The following MACROD1 variants were observed in gnomAD, a reference collection of about 807,000 sequenced individuals.
The protein encoded by MACROD1 is ADP-ribose glycohydrolase MACROD1.
MACROD1 carries 31 observed loss-of-function variants against 41.4 expected under a neutral mutation model. The observed-to-expected ratio is 0.75, with a 90% CI of 0.56 to 1.01. MACROD1 has a LOEUF of 1.01. Among genes scored for constraint, MACROD1 ranks in the 50% least tolerant of loss-of-function variants. The probability of loss-of-function intolerance (pLI) is 0.00; values close to 1 mark genes in which losing one functional copy is unlikely to be tolerated. For missense variants in MACROD1, 473 were observed against 460.0 expected (o/e 1.03, Z -0.26); for synonymous variants, 252 against 203.4 (o/e 1.24, Z -2.03).
At chr11:64,031,914 T>C (rs1189447164) in intron 3 of MACROD1, among the ~76,000 whole-genome samples, 2 of 152,234 alleles carry the variant, frequency 1.3e-5, no homozygotes, top group Non-Finnish European at 2.9e-5. Flanking sequence ...GGCCCCGAGC[T>C]AGGAGTCCAC....
At chr11:64,072,273 C>T (rs1020465252) in intron 3 of MACROD1, among the ~76,000 whole-genome samples, 1 of 152,130 alleles carries the variant, frequency 6.6e-6, no homozygotes, top group Non-Finnish European at 1.5e-5. Flanking sequence ...AGGGGTGATG[C>T]CGGCCCTGGA....
chr11:64,124,188 C>T (rs1945141961), intron 3 of MACROD1, among the ~76,000 whole-genome samples: 2 of 152,330 alleles, frequency 1.3e-5, no homozygotes, highest in South Asian at 4.1e-4. Flanking sequence ...ATACATGCCA[C>T]CCCCTTTCCA....
In MACROD1 at chr11:64,054,079, G is replaced by T. The variant is rs1943741562; in HGVS notation, c.518-38798C>A. On this transcript the variant is annotated intron_variant, in intron 3 of 10. Coordinates refer to ENST00000255681, the MANE Select transcript of MACROD1 (RefSeq NM_014067.4). ...CAGCAAGCAGCTGTCACCTCCACCT[G>T]CGAATGGGGATGAGGATCCCAGCTC... Among the ~76,000 whole-genome samples, 3 of 152,152 alleles carry T rather than the reference G, an allele frequency of 2.0e-5. No homozygotes were observed. The South Asian group carries it at 6.2e-4, about 31-fold the overall frequency.
At chr11:64,001,970 C>T (rs1942833239) in intron 4 of MACROD1, among the ~76,000 whole-genome samples, 1 of 152,196 alleles carries the variant, frequency 6.6e-6, no homozygotes, top group African/African-American at 2.4e-5. Context: ...TAGCACCCAC[C>T]TCAGAGCTCA....
Position 64,080,116 on chromosome 11 carries a change from G to A in MACROD1, c.518-64835C>T, listed in dbSNP as rs1270543996. The stretch of plus-strand genomic sequence containing the variant: ...CAACCTCCGCCTCCCAGGTTCAAGC[G>A]ATTCTCCTGTCTCAGCCTCCCGAGT... On this transcript the variant is annotated intron_variant, in intron 3 of 10. Transcript: ENST00000255681. 5.9e-5 allele frequency among the ~76,000 whole-genome samples: 9 copies of A among 152,164 alleles called. No individual in the cohort carries two copies. In the East Asian group the frequency reaches 1.2e-3, roughly 20 times the overall value.
chr11:64,159,978 G>C (rs1945729836), intron 1 of MACROD1, among the ~76,000 whole-genome samples: 1 of 152,166 alleles, frequency 6.6e-6, no homozygotes, highest in African/African-American at 2.4e-5. Context: ...TCAGCCTGGA[G>C]GTAAAGAAAA....
In MACROD1 at chr11:64,165,769, G is replaced by A; in HGVS notation, c.226C>T (p.Arg76Cys). Reference protein sequence around the residue: ...AAAVGRTAGVRTWAPLAMAAK... With the variant: ...AAAVGRTAGVCTWAPLAMAAK... ...GCCATGGCCAGGGGGGCCCAAGTGC[G>A]CACCCCGGCTGTCCGCCCCACCGCC... The change falls in exon 1 of 11, where the codon CGC (arginine) becomes TGC (cysteine). Residue 76 changes from arginine to cysteine, a missense_variant. Arg to Cys is a radical substitution (Grantham distance 180). Coordinates refer to ENST00000255681, the MANE Select transcript of MACROD1 (RefSeq NM_014067.4). 5 of 1,496,464 alleles carry A rather than the reference G, an allele frequency of 3.3e-6. No individual in the cohort carries two copies. The highest frequency in any genetic ancestry group is 3.5e-6 in the Non-Finnish European group (4 of 1,128,938). The allele number at this position is 1,496,464 out of a possible 1,614,324, so 92.7% of individuals were successfully genotyped here.
intron 3 of MACROD1, among the ~76,000 whole-genome samples, chr11:64,020,559 C>T (rs1943139679): frequency 6.6e-6 from 1 of 152,040 alleles, no homozygotes; most frequent in South Asian, 2.1e-4. Flanking sequence ...CAAACTTGCC[C>T]CATGCTCTCC....
chr11:64,052,161 C>T (rs1194424462), intron 3 of MACROD1, among the ~76,000 whole-genome samples: 2 of 151,884 alleles, frequency 1.3e-5, no homozygotes, highest in East Asian at 3.9e-4. Context: ...AGATGGCTCC[C>T]AACAAGGCAC....
chr11:64,000,427 G>C, intron 4 of MACROD1, 84 bp from the exon 5 acceptor site: 1 of 876,960 alleles, frequency 1.1e-6, no homozygotes, highest in Non-Finnish European at 1.6e-6. Context: ...GAAGCCCCTC[G>C]GCGATGCGAG....
At chr11:64,075,591 T>TC (rs1370888298) in intron 3 of MACROD1, among the ~76,000 whole-genome samples, 2 of 152,220 alleles carry the variant, frequency 1.3e-5, no homozygotes, top group African/African-American at 4.8e-5. Context: ...CAGATCCTTG[T>TC]CCCATTCCAT....
At chr11:64,109,080 C>T (rs1944814863) in intron 3 of MACROD1, among the ~76,000 whole-genome samples, 1 of 152,278 alleles carries the variant, frequency 6.6e-6, no homozygotes, top group Admixed American at 6.5e-5. Context: ...CCTGGCCCTG[C>T]CTGAGATGCC....
In MACROD1 at chr11:63,998,876, G is replaced by A. The variant is rs1379879062; in HGVS notation, c.974-4C>T. ...GGTGGGCTGCGGGAGCCTCAGGCTG[G>A]AAGGCAGAGGACAGTGAGAGCCCGC... On this transcript the variant is annotated splice_region_variant and splice_polypyrimidine_tract_variant and intron_variant, in intron 9 of 10. Coordinates refer to ENST00000255681, the MANE Select transcript of MACROD1 (RefSeq NM_014067.4). The A allele has an allele frequency of 1.9e-6, 3 of 1,595,094 alleles. No homozygotes were observed. Among genetic ancestry groups the A allele is most frequent in the Non-Finnish European group, 1.7e-6 (2 of 1,172,448 alleles).
chr11:64,119,806 A>G (rs1945065388), intron 3 of MACROD1, among the ~76,000 whole-genome samples: 8 of 152,114 alleles, frequency 5.3e-5, no homozygotes, highest in Admixed American at 5.2e-4. Flanking sequence ...GCATTTATCA[A>G]CTGACAGTGC....
Position 64,089,056 on chromosome 11 carries a change from C to T in MACROD1, c.517+62183G>A, listed in dbSNP as rs143323098. Among the ~76,000 whole-genome samples, 559 of 152,310 alleles carry T rather than the reference C, an allele frequency of 3.7e-3. 2 individuals are homozygous for T. The highest frequency in any genetic ancestry group is 0.017 in the Middle Eastern group (5 of 294). ...AGGGAAGCCTCAGGAACTCGTGCCCCGCCGGCTGTCCTCCCTCCCTCCGGC... is the reference window on the plus strand; with the variant it reads ...AGGGAAGCCTCAGGAACTCGTGCCCTGCCGGCTGTCCTCCCTCCCTCCGGC... On this transcript the variant is annotated intron_variant, in intron 3 of 10. Coordinates refer to ENST00000255681, the MANE Select transcript of MACROD1 (RefSeq NM_014067.4).
At chr11:64,012,405 C>CTT (rs33975069) in intron 4 of MACROD1, among the ~76,000 whole-genome samples, 45,276 of 146,334 alleles carry the variant, frequency 0.31, 7,836 homozygotes, top group Non-Finnish European at 0.41. Flanking sequence ...ATTCAATAAA[C>CTT]TTTTTTTTTT....
chr11:64,151,958 A>C (rs969618454), intron 2 of MACROD1, among the ~76,000 whole-genome samples: 1 of 152,072 alleles, frequency 6.6e-6, no homozygotes, highest in Non-Finnish European at 1.5e-5. Flanking sequence ...GTGAAACCCC[A>C]TCTCTACTAA....
chr11:64,055,093 ACCCTCAT>A (rs965457618), intron 3 of MACROD1, among the ~76,000 whole-genome samples: 1 of 151,556 alleles, frequency 6.6e-6, no homozygotes, highest in African/African-American at 2.4e-5. Flanking sequence ...CCAGAAGGTG[ACCCTCAT>A]CACCGCCAAC....
intron 3 of MACROD1, among the ~76,000 whole-genome samples, chr11:64,039,009 C>G (rs949640991): frequency 6.6e-6 from 1 of 152,136 alleles, no homozygotes. Flanking sequence ...TAGTCTACAC[C>G]CCTCGTTCAC....
Sources: allele counts gnomAD v4.1 joint callset (sites outside exome capture counted in the v4.1 genomes callset), GRCh38; gene constraint gnomAD v4.1.1; transcripts MANE v1.5; gene names NCBI Gene and HGNC (gene_info 2026-07-23, HGNC 2026-07-21).